The following CADPS variants were observed in gnomAD, a reference collection of about 807,000 sequenced individuals.
CADPS encodes the protein calcium-dependent secretion activator 1.
A neutral mutation model predicts 167.3 loss-of-function variants in CADPS; 57 were observed. That is an observed-to-expected ratio of 0.34 (90% confidence interval 0.28 to 0.42). The LOEUF is 0.42. Among genes scored for constraint, CADPS ranks in the 20% least tolerant of loss-of-function variants. The pLI is 1.00. For missense variants in CADPS, 1,414 were observed against 1,738.1 expected (o/e 0.81, Z 3.32); for synonymous variants, 676 against 635.3 (o/e 1.06, Z -0.96).
intron 1 of CADPS, among the ~76,000 whole-genome samples, chr3:62,846,130 A>G (rs750582165): frequency 1.3e-5 from 2 of 151,420 alleles, no homozygotes; most frequent in Non-Finnish European, 2.9e-5. Flanking sequence ...CCCTTCTACC[A>G]TGATTGTAAG....
intron 6 of CADPS, among the ~76,000 whole-genome samples, chr3:62,605,254 A>AAC (rs1553982093): frequency 3.5e-4 from 17 of 49,104 alleles, no homozygotes; most frequent in African/African-American, 1.2e-3. Flanking sequence ...GAAAAACAAA[A>AAC]AAAAAAAAAC....
intron 3 of CADPS, among the ~76,000 whole-genome samples, chr3:62,693,776 C>A (rs1262053775): frequency 1.7e-5 from 2 of 117,812 alleles, no homozygotes; most frequent in Admixed American, 1.9e-4. Flanking sequence ...CAGAATGGGA[C>A]TCCATCTTAA....
intron 6 of CADPS, among the ~76,000 whole-genome samples, chr3:62,623,753 AC>A (rs1184716391): frequency 2.0e-5 from 3 of 152,144 alleles, no homozygotes; most frequent in Non-Finnish European, 4.4e-5. Flanking sequence ...AGAACAATGA[AC>A]ATAAATTGTA....
At chr3:62,587,705 T>C (rs569740880) in intron 7 of CADPS, among the ~76,000 whole-genome samples, 3 of 152,304 alleles carry the variant, frequency 2.0e-5, no homozygotes, top group South Asian at 4.1e-4. Context: ...ACTGGCAATA[T>C]GGTGTCCATT....
At chr3:62,587,035 A>T (rs2084792842) in intron 7 of CADPS, among the ~76,000 whole-genome samples, 1 of 152,102 alleles carries the variant, frequency 6.6e-6, no homozygotes, top group African/African-American at 2.4e-5. Context: ...TCATGTCTTG[A>T]CTGACATCTT....
chr3:62,619,786 A>C (rs987788861), intron 6 of CADPS, among the ~76,000 whole-genome samples: 1 of 152,184 alleles, frequency 6.6e-6, no homozygotes, highest in African/African-American at 2.4e-5. Context: ...GAAGTGTTAC[A>C]GTTTTCCTAA....
At chr3:62,663,385 C>T (rs2073752222) in intron 3 of CADPS, among the ~76,000 whole-genome samples, 1 of 152,076 alleles carries the variant, frequency 6.6e-6, no homozygotes, top group African/African-American at 2.4e-5. Context: ...TTCCAAGCAA[C>T]CCCAGCATTT....
intron 1 of CADPS, among the ~76,000 whole-genome samples, chr3:62,817,743 A>T (rs896544729): frequency 1.7e-4 from 26 of 152,222 alleles, no homozygotes; most frequent in African/African-American, 6.3e-4. Flanking sequence ...AGTAGAAAGA[A>T]GCCAACATTT....
At chr3:62,447,258 C>T (rs1576188560) in intron 26 of CADPS, among the ~76,000 whole-genome samples, 1 of 152,094 alleles carries the variant, frequency 6.6e-6, no homozygotes, top group African/African-American at 2.4e-5. Flanking sequence ...TGAGAAAACG[C>T]ATGAGAAAGT....
At chr3:62,702,731 G>C (rs918273837) in intron 3 of CADPS, among the ~76,000 whole-genome samples, 4 of 152,110 alleles carry the variant, frequency 2.6e-5, no homozygotes, top group African/African-American at 4.8e-5. Context: ...CATGACTATG[G>C]AACAGTTGAA....
Position 62,474,325 on chromosome 3 carries a change from TA to T in CADPS, c.3330-6del. The T allele has an allele frequency of 6.2e-7, 1 of 1,612,832 alleles. No homozygotes were observed. Among genetic ancestry groups the T allele is most frequent in the Non-Finnish European group, 8.5e-7 (1 of 1,179,650 alleles). On this transcript the variant is annotated splice_polypyrimidine_tract_variant and splice_region_variant and intron_variant, in intron 23 of 29. Transcript: ENST00000383710. ...ACTTCAAATGCAATCCTGGTTCTAT[TA>T]AAACAAAGTAGGAAAAGACCAATTC...
chr3:62,645,999 C>A (rs567036025), intron 5 of CADPS, among the ~76,000 whole-genome samples, 156 bp from the exon 6 acceptor site: 2 of 152,198 alleles, frequency 1.3e-5, no homozygotes, highest in African/African-American at 2.4e-5. Context: ...CAGTCTAGCA[C>A]GAAGATGCAA....
At chr3:62,491,761 A>G (rs2063779081) in intron 20 of CADPS, among the ~76,000 whole-genome samples, 1 of 151,864 alleles carries the variant, frequency 6.6e-6, no homozygotes, top group African/African-American at 2.4e-5. Context: ...CAGAAACAAC[A>G]ATCCACACTA....
At position 62,475,998 on chromosome 3, in the gene CADPS, T is replaced by G. The variant is rs539674843; in HGVS notation, c.3330-1678A>C. Among the ~76,000 whole-genome samples, 234 of 152,272 alleles carry G rather than the reference T, an allele frequency of 1.5e-3. 2 individuals carry two copies. Among genetic ancestry groups the G allele is most frequent in the Non-Finnish European group, 5.6e-4 (38 of 68,022 alleles). On this transcript the variant is annotated intron_variant, in intron 23 of 29. Transcript: ENST00000383710. ...AATTAATATGACTGAGAGGGCTCTGTAGGACCAAAACGCCAGAAAAGGAGA... is the reference window on the plus strand; with the variant it reads ...AATTAATATGACTGAGAGGGCTCTGGAGGACCAAAACGCCAGAAAAGGAGA...
At chr3:62,431,532 AT>A (rs78659106) in intron 28 of CADPS, among the ~76,000 whole-genome samples, 2,869 of 142,480 alleles carry the variant, frequency 0.02, 29 homozygotes, top group Admixed American at 0.023. Context: ...ATTCAGCTTG[AT>A]TTTTTTTTTT....
At chr3:62,852,577 C>G (rs972490729) in intron 1 of CADPS, among the ~76,000 whole-genome samples, 1 of 151,828 alleles carries the variant, frequency 6.6e-6, no homozygotes, top group East Asian at 1.9e-4. Context: ...TTCTCCTTAC[C>G]CACACCAGAG....
At chr3:62,663,842 T>C (rs1457176905) in intron 3 of CADPS, among the ~76,000 whole-genome samples, 2 of 152,178 alleles carry the variant, frequency 1.3e-5, no homozygotes, top group African/African-American at 4.8e-5. Context: ...CACTTTATCT[T>C]CCCCTTTCCA....
intron 8 of CADPS, among the ~76,000 whole-genome samples, chr3:62,584,819 T>C (rs774241257): frequency 7.9e-5 from 12 of 152,192 alleles, no homozygotes; most frequent in South Asian, 2.1e-4. Context: ...GGGTTGCTGA[T>C]TGAGGTGCAA....
chr3:62,436,985 C>T (rs968179490), intron 28 of CADPS, among the ~76,000 whole-genome samples: 1 of 151,914 alleles, frequency 6.6e-6, no homozygotes, highest in South Asian at 2.1e-4. Flanking sequence ...GCTCACTTAG[C>T]TGTGGAACAA....
Sources: gnomAD v4.1 joint callset for allele counts (sites outside exome capture counted in the v4.1 genomes callset) on GRCh38, gnomAD v4.1.1 for gene constraint, MANE v1.5 for transcripts, NCBI Gene and HGNC (gene_info 2026-07-23, HGNC 2026-07-21) for gene names.